The following SEMA4D variants were observed in gnomAD, a reference collection of about 807,000 sequenced individuals.
SEMA4D encodes semaphorin-4D.
Under a neutral mutation model 74.8 loss-of-function variants are expected in SEMA4D, and 22 were observed. The ratio of observed to expected loss-of-function variants is 0.29; its 90% CI spans 0.21 to 0.42. The LOEUF is 0.42. Among genes scored for constraint, SEMA4D ranks in the 10% least tolerant of loss-of-function variants. The pLI is 1.00. For synonymous variants in SEMA4D, 445 were observed against 463.7 expected (o/e 0.96, Z 0.52); for missense variants, 937 against 1,118.4 (o/e 0.84, Z 2.31).
At chr9:89,447,582 C>T (rs1448505843) in intron 2 of SEMA4D, among the ~76,000 whole-genome samples, 1 of 152,158 alleles carries the variant, frequency 6.6e-6, no homozygotes, top group African/African-American at 2.4e-5. Flanking sequence ...TGAAGGGAGC[C>T]ACTCCTCATC....
At chr9:89,448,853 A>T (rs1853619844) in intron 2 of SEMA4D, among the ~76,000 whole-genome samples, 1 of 152,206 alleles carries the variant, frequency 6.6e-6, no homozygotes, top group Non-Finnish European at 1.5e-5. Context: ...CATAGATAGC[A>T]GCCCCTCAGT....
intron 2 of SEMA4D, among the ~76,000 whole-genome samples, chr9:89,424,524 C>T (rs758769499): frequency 3.9e-5 from 6 of 152,146 alleles, no homozygotes; most frequent in African/African-American, 7.2e-5. Context: ...GCTTCCGTCC[C>T]GACTCCAAAT....
exon 19 of SEMA4D, chr9:89,362,251 C>A: frequency 7.5e-7 from 1 of 1,335,308 alleles, no homozygotes; most frequent in Non-Finnish European, 1.1e-6. Context: ...CTCTGCCCAT[C>A]AGGTGGTGGC....
At chr9:89,373,886 CTG>C (rs1368858413), downstream of SEMA4D, among the ~76,000 whole-genome samples, 19 of 152,352 alleles carry the variant, frequency 1.2e-4, no homozygotes, top group South Asian at 1.2e-3. Flanking sequence ...GCAAGTCACA[CTG>C]TGGCCTCTGT....
At chr9:89,385,182 C>T in intron 13 of SEMA4D, 7 of 914,764 alleles carry the variant, frequency 7.7e-6, no homozygotes, top group South Asian at 5.0e-5. Flanking sequence ...TTCCTACCCC[C>T]TTCTGCCTTT....
intron 1 of SEMA4D, among the ~76,000 whole-genome samples, chr9:89,478,947 C>G (rs984577572): frequency 6.6e-6 from 1 of 152,204 alleles, no homozygotes; most frequent in African/African-American, 2.4e-5. Flanking sequence ...CAGCTCATCT[C>G]TGCTCCAATG....
At chr9:89,462,980 G>T (rs1367451544) in intron 1 of SEMA4D, among the ~76,000 whole-genome samples, 1 of 148,170 alleles carries the variant, frequency 6.7e-6, no homozygotes. Flanking sequence ...GGAGGGGAGC[G>T]AGGGAGAAAG....
At position 89,405,592 on chromosome 9, in the gene SEMA4D, C is replaced by T. The variant is rs1015044099; in HGVS notation, c.-136G>A. The T allele has an allele frequency of 3.4e-6, 5 of 1,460,400 alleles. No homozygotes were observed. The highest frequency in any genetic ancestry group is 2.8e-5 in the South Asian group (2 of 72,016). The allele number at this position is 1,460,400 out of a possible 1,614,324, so 90.5% of individuals were successfully genotyped here. A position where few individuals can be genotyped will look rare whatever the true frequency, so the allele number is the denominator to read the frequency against. ...CACAGCCTGGAGCTCGTGAACAGCG[C>T]GGTCCCTGAGAATCCACATTTCCCA... is the stretch of plus-strand genomic sequence containing the variant. On this transcript the variant is annotated 5_prime_UTR_variant, in exon 3 of 16. Transcript: ENST00000422704.
rs775025271 is a variant in SEMA4D at position 89,402,937 on chromosome 9, C to T, written c.186G>A (p.Leu62=). 2 of 1,614,162 alleles carry T rather than the reference C, an allele frequency of 1.2e-6. No homozygotes were observed. The highest frequency in any genetic ancestry group is 1.7e-6 in the Non-Finnish European group (2 of 1,179,984). The change falls in exon 4 of 16, where the codon TTG becomes TTA. Residue 62 remains leucine, a synonymous_variant. Coordinates refer to ENST00000422704, the MANE Select transcript of SEMA4D (RefSeq NM_001371194.2). ...AGACCGCCTCCCGGGCACCTATGTA[C>T]AAGGTGTCCTTGTCCTCGCTCAGCA... ...ALLLSEDKDT[L]YIGAREAVFA... is the part of the protein sequence containing the mutation.
chr9:89,381,828 G>A lies in SEMA4D; in HGVS notation c.1447-482C>T, dbSNP rs1837149449. 2.6e-5 allele frequency: 4 copies of A among 155,176 alleles called. No individual in the cohort carries two copies. The Admixed American group carries it at 2.6e-4, about 10-fold the overall frequency. The allele number at this position is 155,176 out of a possible 1,614,324, so 9.6% of individuals were successfully genotyped here. ...CCCGAGCCAGAATGTGAGCACCTGT[G>A]GGCGGGGAGCCTCTCGTGAGGGTCT... On this transcript the variant is annotated intron_variant, in intron 13 of 15. Coordinates refer to ENST00000422704, the MANE Select transcript of SEMA4D (RefSeq NM_001371194.2). This position sits in a 1 kb window ranked among gnomAD's most constrained non-coding sequence, Gnocchi z 4.6.
At chr9:89,495,728 C>T (rs1825954888) in intron 1 of SEMA4D, among the ~76,000 whole-genome samples, 1 of 152,142 alleles carries the variant, frequency 6.6e-6, no homozygotes, top group Non-Finnish European at 1.5e-5. Context: ...CCCCATGGGT[C>T]CTAGCTCCAA....
At chr9:89,490,690 T>A (rs963119367) in intron 1 of SEMA4D, among the ~76,000 whole-genome samples, 18 of 152,184 alleles carry the variant, frequency 1.2e-4, no homozygotes, top group Non-Finnish European at 2.1e-4. Context: ...AACTTAATGA[T>A]GGGTTTATGA....
intron 5 of SEMA4D, among the ~76,000 whole-genome samples, chr9:89,398,102 G>A (rs941466480): frequency 3.3e-5 from 5 of 152,128 alleles, no homozygotes; most frequent in African/African-American, 9.7e-5. Context: ...CCTAAAACCC[G>A]CAGCCCAGAG....
chr9:89,450,820 G>C (rs1564834232), intron 2 of SEMA4D: 2 of 614,372 alleles, frequency 3.3e-6, no homozygotes, highest in Admixed American at 2.8e-5. Flanking sequence ...CCTAGACTCT[G>C]TGAAGTGCAG....
rs150966872 is a variant in SEMA4D, at chr9:89,447,082, C to T, written c.-244+8806G>A. ...GCAGCCCAGCAGCCAGTCCGAACCCCGACCCTCCCTCGCCCGCTGCCTATC... is the reference window on the plus strand; with the variant it reads ...GCAGCCCAGCAGCCAGTCCGAACCCTGACCCTCCCTCGCCCGCTGCCTATC... On this transcript the variant is annotated intron_variant, in intron 2 of 15. Coordinates refer to ENST00000422704, the MANE Select transcript of SEMA4D (RefSeq NM_001371194.2). Among the ~76,000 whole-genome samples the T allele has an allele frequency of 1.4e-4, 22 of 152,240 alleles. No individual in the cohort carries two copies. The East Asian group carries it at 3.1e-3, about 21-fold the overall frequency.
intron 1 of SEMA4D, among the ~76,000 whole-genome samples, chr9:89,477,295 C>T (rs965148450): frequency 7.2e-5 from 11 of 151,958 alleles, no homozygotes; most frequent in African/African-American, 2.4e-4. Context: ...CATTCACATA[C>T]ACACATGCAT....
intron 1 of SEMA4D, among the ~76,000 whole-genome samples, chr9:89,457,246 G>T (rs1001284244): frequency 6.6e-6 from 1 of 152,130 alleles, no homozygotes; most frequent in Non-Finnish European, 1.5e-5. Context: ...CCTGACAGGT[G>T]GGGAGCAGAC....
intron 2 of SEMA4D, among the ~76,000 whole-genome samples, chr9:89,417,402 C>A (rs1845942287): frequency 6.6e-6 from 1 of 152,138 alleles, no homozygotes. Flanking sequence ...CATCACGGTC[C>A]CATGCATAGG....
At chr9:89,465,876 G>A (rs1488123895) in intron 1 of SEMA4D, among the ~76,000 whole-genome samples, 1 of 152,252 alleles carries the variant, frequency 6.6e-6, no homozygotes, top group African/African-American at 2.4e-5. Context: ...AAGGTGGAAT[G>A]AGGAGAAGAT....
Sources: allele counts gnomAD v4.1 joint callset (sites outside exome capture counted in the v4.1 genomes callset), GRCh38; gene constraint gnomAD v4.1.1; non-coding constraint Gnocchi (gnomAD v3.1); transcripts MANE v1.5; gene names NCBI Gene and HGNC (gene_info 2026-07-23, HGNC 2026-07-21).